The following SLC24A2 variants were observed in gnomAD, a reference collection of about 807,000 sequenced individuals.
SLC24A2 encodes the protein solute carrier family 24 member 2.
Under a neutral mutation model 62.0 loss-of-function variants are expected in SLC24A2, and 36 were observed. The observed-to-expected ratio is 0.58, with a 90% CI of 0.44 to 0.77. The LOEUF (loss-of-function observed/expected upper bound fraction) is 0.77, where lower values mean the gene tolerates loss of function less well. Ranked by LOEUF, SLC24A2 falls within the 30% of genes least tolerant of loss-of-function variation. The pLI is 0.00. For synonymous variants in SLC24A2, 358 were observed against 294.0 expected (o/e 1.22, Z -2.23); for missense variants, 846 against 817.9 (o/e 1.03, Z -0.42).
At chr9:20,105,416 C>A in the SLC24A2 span, among the ~76,000 whole-genome samples, 1 of 151,790 alleles carries the variant, frequency 6.6e-6, no homozygotes, top group Non-Finnish European at 1.5e-5. Flanking sequence ...CACCACACCA[C>A]ACCTATTCCA....
chr9:19,686,467 T>G (rs796414715), intron 2 of SLC24A2, among the ~76,000 whole-genome samples: 12 of 152,232 alleles, frequency 7.9e-5, no homozygotes, highest in African/African-American at 2.9e-4. Flanking sequence ...TTGATATGGT[T>G]TGCCTATGTC....
the SLC24A2 span, among the ~76,000 whole-genome samples, chr9:20,231,520 A>C: frequency 6.6e-6 from 1 of 152,060 alleles, no homozygotes; most frequent in Non-Finnish European, 1.5e-5. Context: ...TTTACTCATG[A>C]TTTGGCTCTC....
chr9:19,631,727 G>C (rs908841707), intron 2 of SLC24A2, among the ~76,000 whole-genome samples: 2 of 152,162 alleles, frequency 1.3e-5, no homozygotes, highest in Non-Finnish European at 2.9e-5. Flanking sequence ...AGGTGACTGG[G>C]TCCAGTGTTG....
chr9:19,619,789 G>A (rs1419796063), intron 3 of SLC24A2, 97 bp from the exon 4 acceptor site: 15 of 904,826 alleles, frequency 1.7e-5, no homozygotes, highest in Middle Eastern at 2.6e-4. Context: ...ACTCATTTCT[G>A]TCGCATGATC....
At chr9:19,954,245 G>T in the SLC24A2 span, among the ~76,000 whole-genome samples, 1 of 152,150 alleles carries the variant, frequency 6.6e-6, no homozygotes, top group African/African-American at 2.4e-5. Context: ...TCATAGCAGA[G>T]TCCTGGGGAT....
rs1344766025 is a variant in SLC24A2 at position 19,538,881 on chromosome 9, A to G, written c.1480-10743T>C. On this transcript the variant is annotated intron_variant, in intron 8 of 10. Coordinates refer to ENST00000341998, the MANE Select transcript of SLC24A2 (RefSeq NM_020344.4). ...CTATTGATTATTGCCACAATTTCAGAGCCTGTTATTGGTCTATTCAGAGAT... is the reference window on the plus strand; with the variant it reads ...CTATTGATTATTGCCACAATTTCAGGGCCTGTTATTGGTCTATTCAGAGAT... Among the ~76,000 whole-genome samples, 5 of 125,996 alleles carry G rather than the reference A, an allele frequency of 4.0e-5. No homozygotes were observed. In the Admixed American group the frequency reaches 4.1e-4, roughly 10 times the overall value. The allele number at this position is 125,996 out of a possible 152,430, so 82.7% of individuals were successfully genotyped here. A position where few individuals can be genotyped will look rare whatever the true frequency, so the allele number is the denominator to read the frequency against.
chr9:20,088,681 C>T, the SLC24A2 span, among the ~76,000 whole-genome samples: 1 of 152,142 alleles, frequency 6.6e-6, no homozygotes, highest in Non-Finnish European at 1.5e-5. Context: ...CCCCCCAAAG[C>T]AATAAAGCTA....
the SLC24A2 span, among the ~76,000 whole-genome samples, chr9:20,306,372 T>C: frequency 1.3e-5 from 2 of 152,208 alleles, no homozygotes; most frequent in African/African-American, 2.4e-5. Context: ...AGCAAAGCAA[T>C]TGATTTGTCT....
At chr9:20,014,517 T>TATATATATATATATATAC in the SLC24A2 span, among the ~76,000 whole-genome samples, 5 of 148,458 alleles carry the variant, frequency 3.4e-5, no homozygotes, top group African/African-American at 7.5e-5. Flanking sequence ...TATATATATA[T>TATATATATATATATATAC]ACACACACAC....
the SLC24A2 span, among the ~76,000 whole-genome samples, chr9:19,886,641 T>C: frequency 3.9e-5 from 6 of 152,340 alleles, no homozygotes; most frequent in East Asian, 7.7e-4. Flanking sequence ...GAAGACAGTG[T>C]GGTGATTCCT....
chr9:19,788,596 T>C (rs1823249020), intron 1 of SLC24A2: 1 of 985,304 alleles, frequency 1.0e-6, no homozygotes, highest in Non-Finnish European at 1.2e-6. Context: ...GAGTCGTTTG[T>C]AGGTGGCTGG....
chr9:20,263,836 T>C, the SLC24A2 span, among the ~76,000 whole-genome samples: 1 of 138,832 alleles, frequency 7.2e-6, no homozygotes, highest in Non-Finnish European at 1.5e-5. Context: ...CCCCTCTCCC[T>C]TGTGCCCTCC....
At chr9:20,047,046 T>A in the SLC24A2 span, among the ~76,000 whole-genome samples, 1 of 152,166 alleles carries the variant, frequency 6.6e-6, no homozygotes, top group Non-Finnish European at 1.5e-5. Flanking sequence ...TCTAGCTCTT[T>A]GCACTAGAGT....
the SLC24A2 span, among the ~76,000 whole-genome samples, chr9:19,904,327 A>C: frequency 6.6e-6 from 1 of 152,202 alleles, no homozygotes. Flanking sequence ...ACCCATCATG[A>C]GATTATACAC....
At chr9:20,216,103 GT>G in the SLC24A2 span, among the ~76,000 whole-genome samples, 144,302 of 152,192 alleles carry the variant, frequency 0.95, 68,823 homozygotes, top group South Asian at 1. Flanking sequence ...AAATAAGAGG[GT>G]TTTTTTCTCC....
the SLC24A2 span, among the ~76,000 whole-genome samples, chr9:19,910,356 T>G: frequency 3.3e-5 from 5 of 152,182 alleles, no homozygotes; most frequent in African/African-American, 9.6e-5. Flanking sequence ...GTTTCTATAC[T>G]GGCCTTAATC....
the SLC24A2 span, among the ~76,000 whole-genome samples, chr9:19,857,156 C>T: frequency 0.58 from 88,112 of 152,012 alleles, 26,151 homozygotes; most frequent in Non-Finnish European, 0.64. Context: ...TATTTCTCCG[C>T]CTAGAAGATG....
At chr9:20,294,650 T>C in the SLC24A2 span, among the ~76,000 whole-genome samples, 2 of 152,192 alleles carry the variant, frequency 1.3e-5, no homozygotes, top group African/African-American at 2.4e-5. Flanking sequence ...AATCACTTAG[T>C]GATTTCCTTA....
At chr9:19,950,339 C>G in the SLC24A2 span, among the ~76,000 whole-genome samples, 2 of 152,096 alleles carry the variant, frequency 1.3e-5, no homozygotes, top group Non-Finnish European at 2.9e-5. Context: ...CTTGTTTAAG[C>G]TATTTGGTCT....
Sources: gnomAD v4.1 joint callset for allele counts (sites outside exome capture counted in the v4.1 genomes callset) on GRCh38, gnomAD v4.1.1 for gene constraint, MANE v1.5 for transcripts, NCBI Gene and HGNC (gene_info 2026-07-23, HGNC 2026-07-21) for gene names.